Variants in STXBP4 observed in about 807,000 individuals in gnomAD.
STXBP4 encodes the protein syntaxin binding protein 4.
STXBP4 carries 55 observed loss-of-function variants against 76.1 expected under a neutral mutation model. That is an observed-to-expected ratio of 0.72 (90% CI 0.58 to 0.91). The LOEUF (loss-of-function observed/expected upper bound fraction) is 0.91, where lower values mean the gene tolerates loss of function less well. Ranked by LOEUF, STXBP4 falls within the 40% of genes least tolerant of loss-of-function variation. The probability of loss-of-function intolerance (pLI) is 0.00; values close to 1 mark genes in which losing one functional copy is unlikely to be tolerated. For synonymous variants in STXBP4, 201 were observed against 220.2 expected, an observed-to-expected ratio of 0.91 and a Z score of 0.77; for missense variants, 618 against 636.9, an observed-to-expected ratio of 0.97 and a Z score of 0.32.
rs1401922520 is a variant in STXBP4 at position 55,112,806 on chromosome 17, G to A, written c.1490-28504G>A. Among the ~76,000 whole-genome samples, 4 of 152,086 alleles carry A rather than the reference G, an allele frequency of 2.6e-5. No individual in the cohort carries two copies. The South Asian group carries it at 8.3e-4, about 32-fold the overall frequency. ...GGGACAGTTCAGAGGAGGAAGAGGGGCCAGATGAGGAGCAGTCAGGACGAT... is the reference window on the plus strand; with the variant it reads ...GGGACAGTTCAGAGGAGGAAGAGGGACCAGATGAGGAGCAGTCAGGACGAT... On this transcript the variant is annotated intron_variant, in intron 16 of 17. Coordinates refer to ENST00000376352, the MANE Select transcript of STXBP4 (RefSeq NM_178509.6).
rs370592805 is a variant in STXBP4 at position 55,123,674 on chromosome 17, G to A, written c.1490-17636G>A. ...CCAGCACTTTGGGAGGCTGAGGCGG[G>A]CAGATCATAAGGTCAGGAGATCGAG... On this transcript the variant is annotated intron_variant, in intron 16 of 17. Transcript: ENST00000376352. Among the ~76,000 whole-genome samples, 10 of 152,132 alleles carry A rather than the reference G, an allele frequency of 6.6e-5. No individual in the cohort carries two copies. The East Asian group carries it at 7.7e-4, about 12-fold the overall frequency.
intron 17 of STXBP4, among the ~76,000 whole-genome samples, chr17:55,149,579 TC>T (rs2080192507): frequency 6.6e-6 from 1 of 152,180 alleles, no homozygotes; most frequent in Non-Finnish European, 1.5e-5. Context: ...TAGTTACCCC[TC>T]CCCTTCCTTA....
intron 16 of STXBP4, among the ~76,000 whole-genome samples, chr17:55,110,391 C>A (rs919595681): frequency 2.0e-5 from 3 of 152,088 alleles, no homozygotes; most frequent in African/African-American, 7.2e-5. Flanking sequence ...CTGCCTATCA[C>A]AGAGAGTTAG....
rs373840967 is a variant in STXBP4, at chr17:55,097,594, C to T, written c.1489+16411C>T. 1.8e-3 allele frequency among the ~76,000 whole-genome samples: 272 copies of T among 151,100 alleles called. 1 individual carries two copies. Among genetic ancestry groups the T allele is most frequent in the African/African-American group, 6.4e-3 (262 of 41,176 alleles). The stretch of plus-strand genomic sequence containing the variant: ...AGGAGAATGGCATGAACCCGGGAGG[C>T]GGAGCTTGCAATGAGCTGAGGTTGT... On this transcript the variant is annotated intron_variant, in intron 16 of 17. Transcript: ENST00000376352.
chr17:55,004,764 G>A (rs553846396), intron 7 of STXBP4, among the ~76,000 whole-genome samples: 1 of 151,822 alleles, frequency 6.6e-6, no homozygotes, highest in Admixed American at 6.6e-5. Flanking sequence ...GGAGGAGAAG[G>A]AGACGGAGGG....
chr17:55,005,583 G>T (rs1192146144), intron 7 of STXBP4, among the ~76,000 whole-genome samples: 1 of 152,200 alleles, frequency 6.6e-6, no homozygotes, highest in East Asian at 1.9e-4. Context: ...CAGTGTGTCA[G>T]TGTTGTAGGT....
chr17:55,167,581 A>G lies in STXBP4; in HGVS notation c.*7670A>G, dbSNP rs2080382962. 2 of 152,234 alleles carry G rather than the reference A, an allele frequency of 1.3e-5. No individual in the cohort carries two copies. Among genetic ancestry groups the G allele is most frequent in the Non-Finnish European group, 2.9e-5 (2 of 68,036 alleles). 9.4% of individuals were successfully genotyped at this position (152,234 alleles called of 1,614,324 possible). ...ATACTCACACATTGTTGATTTGCCC[A>G]AGGTTCTGAAGAAATACCACAGAAT... On this transcript the variant is annotated 3_prime_UTR_variant, in exon 18 of 18. Transcript: ENST00000376352.
At chr17:54,995,949 T>C (rs2077794941) in intron 4 of STXBP4, among the ~76,000 whole-genome samples, 1 of 152,168 alleles carries the variant, frequency 6.6e-6, no homozygotes, top group African/African-American at 2.4e-5. Flanking sequence ...GTTCTAGTTA[T>C]GCCTAATGAA....
intron 16 of STXBP4, among the ~76,000 whole-genome samples, chr17:55,114,188 T>C (rs1415210599): frequency 6.6e-6 from 1 of 152,084 alleles, no homozygotes; most frequent in Admixed American, 6.6e-5. Context: ...AGTTCTGTCA[T>C]TTTTATTTAT....
chr17:55,123,587 TGAGCAACAACAACGACAAATAGAATA>T (rs2079871281), intron 16 of STXBP4, among the ~76,000 whole-genome samples: 1 of 152,078 alleles, frequency 6.6e-6, no homozygotes, highest in South Asian at 2.1e-4. Flanking sequence ...CAAGCAGCAA[TGAGCAACAACAACGACAAATAGAATA>T]GGATGGGCCA....
chr17:55,176,659 A>G (rs7219310), downstream of STXBP4, among the ~76,000 whole-genome samples: 7,602 of 152,276 alleles, frequency 0.05, 326 homozygotes, highest in East Asian at 0.15. Flanking sequence ...GGATACCCAG[A>G]TAGCTAGTAA....
At chr17:55,208,154 G>A in the STXBP4 span, among the ~76,000 whole-genome samples, 2 of 151,400 alleles carry the variant, frequency 1.3e-5, no homozygotes, top group South Asian at 4.2e-4. Flanking sequence ...GAAATTCTTT[G>A]GTCAATTTAG....
intron 8 of STXBP4, among the ~76,000 whole-genome samples, chr17:55,020,447 C>CTGTT (rs71905117): frequency 0.014 from 2,175 of 151,662 alleles, 42 homozygotes; most frequent in African/African-American, 0.04. Flanking sequence ...GCTGTCAAAT[C>CTGTT]TGTTTGTTTG....
chr17:55,017,465 G>T (rs772587105), intron 8 of STXBP4, among the ~76,000 whole-genome samples: 2 of 152,132 alleles, frequency 1.3e-5, no homozygotes, highest in African/African-American at 4.8e-5. Context: ...GATCCCTTTG[G>T]AGATACAACT....
intron 8 of STXBP4, among the ~76,000 whole-genome samples, chr17:55,011,576 G>T (rs987642990): frequency 7.0e-6 from 1 of 142,482 alleles, no homozygotes; most frequent in Non-Finnish European, 1.5e-5. Context: ...GGGACCCAAA[G>T]AGGGTAGCCA....
chr17:55,051,306 T>C (rs976835199), intron 12 of STXBP4, among the ~76,000 whole-genome samples: 6 of 152,096 alleles, frequency 3.9e-5, no homozygotes, highest in African/African-American at 1.4e-4. Context: ...TTCAAATGAA[T>C]ACCATAATTA....
At chr17:54,981,999 C>T (rs750965503) in intron 1 of STXBP4, among the ~76,000 whole-genome samples, 10 of 152,210 alleles carry the variant, frequency 6.6e-5, no homozygotes, top group Admixed American at 2.0e-4. Context: ...AAAATCCAAA[C>T]GTTATTTAGT....
the STXBP4 span, among the ~76,000 whole-genome samples, chr17:55,209,327 G>T: frequency 6.6e-6 from 1 of 152,136 alleles, no homozygotes; most frequent in Non-Finnish European, 1.5e-5. Flanking sequence ...AGAAGAGTAG[G>T]TCTTCTCTGT....
At chr17:55,202,684 A>G in the STXBP4 span, among the ~76,000 whole-genome samples, 2 of 152,106 alleles carry the variant, frequency 1.3e-5, no homozygotes, top group Admixed American at 1.3e-4. Context: ...AGGATTTAAT[A>G]GGCATTGTTT....
Sources: allele counts gnomAD v4.1 joint callset (sites outside exome capture counted in the v4.1 genomes callset), GRCh38; gene constraint gnomAD v4.1.1; transcripts MANE v1.5; gene names NCBI Gene and HGNC (gene_info 2026-07-23, HGNC 2026-07-21).